TNIK: variants seen among roughly 807,000 people sequenced by gnomAD.
TNIK encodes the protein TRAF2 and NCK-interacting protein kinase.
In TNIK, 49 loss-of-function variants were observed where a neutral mutation model predicts 191.3. That is an observed-to-expected ratio of 0.26 (90% CI 0.20 to 0.32). TNIK has a LOEUF of 0.32. Among genes scored for constraint, TNIK ranks in the 10% least tolerant of loss-of-function variants. The pLI, the probability that TNIK is intolerant of heterozygous loss-of-function variation, is 1.00. For synonymous variants in TNIK, 594 were observed against 600.9 expected, an observed-to-expected ratio of 0.99 and a Z score of 0.17; for missense variants, 1,155 against 1,702.3, an observed-to-expected ratio of 0.68 and a Z score of 5.66.
chr3:171,266,468 T>G (rs1196091786), intron 2 of TNIK, among the ~76,000 whole-genome samples: 1 of 152,184 alleles, frequency 6.6e-6, no homozygotes, highest in South Asian at 2.1e-4. Flanking sequence ...GAATGACTCT[T>G]CCTTAGGTTG....
intron 32 of TNIK, among the ~76,000 whole-genome samples, chr3:171,064,893 G>A (rs1240793193): frequency 6.6e-6 from 1 of 152,162 alleles, no homozygotes; most frequent in African/African-American, 2.4e-5. Context: ...GAGGTCTCTG[G>A]AAATGCTTGA....
chr3:171,215,151 C>T (rs112317564), intron 3 of TNIK, among the ~76,000 whole-genome samples: 1 of 152,072 alleles, frequency 6.6e-6, no homozygotes. Context: ...GAGAACCAAC[C>T]CTTCAACCCC....
intron 2 of TNIK, among the ~76,000 whole-genome samples, chr3:171,299,434 A>G (rs11714004): frequency 6.6e-6 from 1 of 151,660 alleles, no homozygotes; most frequent in African/African-American, 2.4e-5. Flanking sequence ...GCCTTGCCAG[A>G]CGGATCTATG....
chr3:171,133,263 A>G (rs61792394), intron 15 of TNIK, among the ~76,000 whole-genome samples: 4,057 of 152,332 alleles, frequency 0.027, 76 homozygotes, highest in Non-Finnish European at 0.041. Flanking sequence ...ACTTAAAAGT[A>G]ATGAAGCAAA....
chr3:171,153,430 T>C (rs903616433), intron 12 of TNIK, among the ~76,000 whole-genome samples: 2 of 152,214 alleles, frequency 1.3e-5, no homozygotes, highest in Admixed American at 6.5e-5. Context: ...CTACTATTAC[T>C]GTTGGCTGCT....
At chr3:171,448,501 A>T (rs559468126) in intron 1 of TNIK, among the ~76,000 whole-genome samples, 3 of 149,198 alleles carry the variant, frequency 2.0e-5, no homozygotes, top group African/African-American at 4.9e-5. Context: ...CATTTTGTTT[A>T]TTCATTCATT....
intron 7 of TNIK, among the ~76,000 whole-genome samples, chr3:171,181,475 C>T (rs146200610): frequency 6.6e-6 from 1 of 152,312 alleles, no homozygotes; most frequent in East Asian, 1.9e-4. Context: ...GCTTCCATTT[C>T]AGAGTATAGC....
At chr3:171,213,205 A>C (rs1741054233) in intron 3 of TNIK, among the ~76,000 whole-genome samples, 1 of 152,234 alleles carries the variant, frequency 6.6e-6, no homozygotes, top group East Asian at 1.9e-4. Context: ...ACTATGGTGC[A>C]CATTGGCTAT....
At chr3:171,116,922 T>C (rs979026840) in intron 18 of TNIK, among the ~76,000 whole-genome samples, 4 of 152,216 alleles carry the variant, frequency 2.6e-5, no homozygotes, top group African/African-American at 9.6e-5. Flanking sequence ...TGCCTATTGA[T>C]ATTGCAGTCT....
chr3:171,293,224 A>G (rs1751887332), intron 2 of TNIK, among the ~76,000 whole-genome samples: 1 of 152,250 alleles, frequency 6.6e-6, no homozygotes, highest in Non-Finnish European at 1.5e-5. Context: ...TATATCAAGA[A>G]TCAAACTTGA....
At chr3:171,333,943 C>T (rs1756687865) in intron 2 of TNIK, among the ~76,000 whole-genome samples, 1 of 152,180 alleles carries the variant, frequency 6.6e-6, no homozygotes, top group South Asian at 2.1e-4. Context: ...ACTGGACAAC[C>T]CAGGAGCCTG....
intron 15 of TNIK, among the ~76,000 whole-genome samples, chr3:171,133,717 A>G (rs1729615434): frequency 6.6e-6 from 1 of 152,214 alleles, no homozygotes; most frequent in African/African-American, 2.4e-5. Flanking sequence ...TAAACTCTCT[A>G]AATGCTAGTT....
chr3:171,361,090 A>G (rs1164871672), intron 2 of TNIK, among the ~76,000 whole-genome samples: 1 of 152,198 alleles, frequency 6.6e-6, no homozygotes. Flanking sequence ...AGACAAAGAT[A>G]CCCAAAAGAG....
At chr3:171,236,979 T>C (rs1744350071) in intron 2 of TNIK, among the ~76,000 whole-genome samples, 1 of 152,164 alleles carries the variant, frequency 6.6e-6, no homozygotes, top group Non-Finnish European at 1.5e-5. Flanking sequence ...CAATGCTGCA[T>C]TTCATTTTGC....
chr3:171,333,974 T>C (rs916123892), intron 2 of TNIK, among the ~76,000 whole-genome samples: 11 of 152,184 alleles, frequency 7.2e-5, no homozygotes, highest in Non-Finnish European at 1.5e-4. Context: ...TGAGAGCAAG[T>C]CTTCAAGTAC....
chr3:171,258,107 G>A (rs1426381329), intron 2 of TNIK, among the ~76,000 whole-genome samples: 3 of 152,146 alleles, frequency 2.0e-5, no homozygotes, highest in Non-Finnish European at 2.9e-5. Flanking sequence ...AATAATGACA[G>A]CAAAATGAAA....
At chr3:171,228,592 A>C in intron 2 of TNIK, among the ~76,000 whole-genome samples, 1 of 152,234 alleles carries the variant, frequency 6.6e-6, no homozygotes, top group Admixed American at 6.5e-5. Flanking sequence ...CGGTAGATGA[A>C]GAAACTTTGG....
chr3:171,217,586 C>G (rs1741601055), intron 3 of TNIK, among the ~76,000 whole-genome samples: 1 of 152,078 alleles, frequency 6.6e-6, no homozygotes, highest in Non-Finnish European at 1.5e-5. Context: ...GAATTATTTA[C>G]TAAGTGCCTA....
At chr3:171,246,302 C>A (rs1745586590) in intron 2 of TNIK, among the ~76,000 whole-genome samples, 1 of 151,868 alleles carries the variant, frequency 6.6e-6, no homozygotes, top group South Asian at 2.1e-4. Context: ...AAAAAAAATG[C>A]CTTTCTATTC....
Sources: gnomAD v4.1 joint callset for allele counts (sites outside exome capture counted in the v4.1 genomes callset) on GRCh38, gnomAD v4.1.1 for gene constraint, MANE v1.5 for transcripts, NCBI Gene and HGNC (gene_info 2026-07-23, HGNC 2026-07-21) for gene names.